Variants in PELP1 observed in about 807,000 individuals in gnomAD.
PELP1 encodes the protein proline-, glutamic acid- and leucine-rich protein 1.
PELP1 carries 32 observed loss-of-function variants against 95.5 expected under a neutral mutation model. That is an observed-to-expected ratio of 0.34 (90% CI 0.25 to 0.45). The LOEUF (loss-of-function observed/expected upper bound fraction) is 0.45, where lower values mean the gene tolerates loss of function less well. PELP1 is among the 20% of genes least tolerant of loss of function. PELP1 has a pLI of 1.00. For synonymous variants in PELP1, 668 were observed against 600.1 expected, an observed-to-expected ratio of 1.11 and a Z score of -1.65; for missense variants, 1,358 against 1,444.8, an observed-to-expected ratio of 0.94 and a Z score of 0.97.
At position 4,675,032 on chromosome 17, in the gene PELP1, C is replaced by T. The variant is rs1460937126; in HGVS notation, c.1274+47G>A. 1.9e-6 allele frequency: 3 copies of T among 1,607,662 alleles called. No individual in the cohort carries two copies. Among genetic ancestry groups the T allele is most frequent in the Admixed American group, 3.3e-5 (2 of 59,912 alleles). ...AAGCCCCAGCCCACCTGCACCCCCT[C>T]ACCCCCCTCTCCTCTTTATTCCCTT... On this transcript the variant is annotated intron_variant, in intron 11 of 16. Coordinates refer to ENST00000572293, the MANE Select transcript of PELP1 (RefSeq NM_014389.3). The surrounding 1 kb of genome is among the most constrained non-coding windows in gnomAD (Gnocchi z 4.3).
In PELP1 at chr17:4,672,406, G is replaced by A. The variant is rs1229551126; in HGVS notation, c.2585C>T (p.Pro862Leu). The change falls in exon 16 of 17, where the codon CCT (proline) becomes CTT (leucine). Residue 862 changes from proline (P) to leucine (L), a missense_variant. Transcript: ENST00000572293. Reference protein sequence around the residue: ...PVTLPPPQLVPEGTPGGGGPP... With the variant: ...PVTLPPPQLVLEGTPGGGGPP... ...TCCTCCCCCACCAGGAGTCCCTTCA[G>A]GGACCAACTGGGGTGGAGGGAGCGT... 1 of 1,564,238 alleles carries A rather than the reference G, an allele frequency of 6.4e-7. No homozygotes were observed. Among genetic ancestry groups the A allele is most frequent in the Non-Finnish European group, 8.7e-7 (1 of 1,153,974 alleles).
At chr17:4,695,667 TAAAAAA>T (rs71147081) in intron 1 of PELP1, among the ~76,000 whole-genome samples, 2 of 62,588 alleles carry the variant, frequency 3.2e-5, no homozygotes, top group South Asian at 8.4e-4. Flanking sequence ...CCCTCTCTCT[TAAAAAA>T]AAAAAAAAAA....
At chr17:4,701,001 A>AG (rs1416726993) in intron 1 of PELP1, among the ~76,000 whole-genome samples, 1 of 148,474 alleles carries the variant, frequency 6.7e-6, no homozygotes, top group East Asian at 1.9e-4. Flanking sequence ...CTAAAAAAAA[A>AG]AAAAAAAAAA....
In PELP1 at chr17:4,675,094, T is replaced by G; in HGVS notation, c.1259A>C (p.Gln420Pro). ...GGATGGTCACCTGTAAGGCCTCTCC[T>G]GGCCTGGAGAGAGGGAATCTCTACC... Reference protein sequence around the residue: ...SIGRDSLSPGQERPYSTVRTK... With the variant: ...SIGRDSLSPGPERPYSTVRTK... Residue 420 changes from glutamine (Q) to proline (P), a missense_variant, in exon 11 of 17, where the codon CAG becomes CCG. Gln to Pro is a moderately conservative substitution (Grantham distance 76). Around this residue, in one of 7 missense-constraint regions of PELP1, gnomAD observed 538 missense variants for 628.1 expected, o/e 0.86. Transcript: ENST00000572293. The surrounding 1 kb of genome is among the most constrained non-coding windows in gnomAD (Gnocchi z 4.3). The G allele has an allele frequency of 6.2e-7, 1 of 1,613,410 alleles. No individual in the cohort carries two copies. Among genetic ancestry groups the G allele is most frequent in the Non-Finnish European group, 8.5e-7 (1 of 1,179,420 alleles).
At chr17:4,671,648 CCCA>C in intron 16 of PELP1, 40 bp downstream of exon 16, 1 of 1,601,174 alleles carries the variant, frequency 6.2e-7, no homozygotes, top group South Asian at 1.1e-5. Context: ...TCCCGCCAGC[CCCA>C]CCTTCTCGCC....
intron 3 of PELP1, among the ~76,000 whole-genome samples, chr17:4,688,279 G>A (rs896230327): frequency 6.6e-6 from 1 of 151,974 alleles, no homozygotes; most frequent in Non-Finnish European, 1.5e-5. Context: ...AGGGTGCAGT[G>A]AGCCAAGTCT....
At chr17:4,699,558 C>T (rs948495532) in intron 1 of PELP1, among the ~76,000 whole-genome samples, 5 of 152,140 alleles carry the variant, frequency 3.3e-5, no homozygotes, top group Non-Finnish European at 5.9e-5. Flanking sequence ...AGGAAGTACA[C>T]AAATGGCAAA....
intron 1 of PELP1, among the ~76,000 whole-genome samples, chr17:4,701,044 T>C (rs1597459895): frequency 8.5e-6 from 1 of 117,220 alleles, no homozygotes; most frequent in Non-Finnish European, 1.8e-5. Context: ...TGAAATAACA[T>C]TGGCAAACGT....
At chr17:4,698,011 T>C (rs1004782004) in intron 1 of PELP1, among the ~76,000 whole-genome samples, 1 of 106,910 alleles carries the variant, frequency 9.4e-6, no homozygotes. Flanking sequence ...CTGCAAGGTT[T>C]TTTTTTTTTT....
intron 1 of PELP1, among the ~76,000 whole-genome samples, chr17:4,703,172 T>C (rs1462204307): frequency 6.6e-6 from 1 of 152,188 alleles, no homozygotes; most frequent in Admixed American, 6.5e-5. Flanking sequence ...CAGTCTCATC[T>C]GTACCCACTC....
chr17:4,682,903 TC>T lies in PELP1; in HGVS notation c.469del (p.Asp157ThrfsTer18). The T allele has an allele frequency of 6.3e-7, 1 of 1,581,606 alleles. No homozygotes were observed. The highest frequency in any genetic ancestry group is 1.2e-5 in the South Asian group (1 of 85,060). Reference protein sequence around the residue: ...TMELAVAVLRDLLRYAAQLPA... With the variant: ...TMELAVAVLRXLLRYAAQLPA... ...CAGCTGGGCTGCATATCGGAGGAGG[TC>T]CCTCAGGACAGCCACGGCCAGCTCC... On this transcript the variant is annotated frameshift_variant, in exon 4 of 17. Coordinates refer to ENST00000572293, the MANE Select transcript of PELP1 (RefSeq NM_014389.3). LOFTEE classifies it high-confidence loss of function.
Position 4,690,933 on chromosome 17 carries a change from C to T in PELP1, c.375G>A (p.Gln125=), listed in dbSNP as rs377089684. The change falls in exon 3 of 17, where the codon CAG becomes CAA. Residue 125 remains glutamine (Q), a synonymous_variant. Transcript: ENST00000572293. Reference sequence around the variant, plus strand: ...TCCGAAGCCAAGACACACAGTGCTGCTGGAATAGCTCTGTGGGGCTCTCCC... The same window carrying T: ...TCCGAAGCCAAGACACACAGTGCTGTTGGAATAGCTCTGTGGGGCTCTCCC... The part of the protein sequence containing the change: ...LVGESPTELF[Q]QHCVSWLRSI... The T allele has an allele frequency of 2.0e-3, 3,223 of 1,613,904 alleles. 80 individuals are homozygous for T. In the South Asian group the frequency reaches 0.031, roughly 15 times the overall value.
chr17:4,699,634 C>G (rs1913439329), intron 1 of PELP1, among the ~76,000 whole-genome samples: 1 of 152,078 alleles, frequency 6.6e-6, no homozygotes, highest in African/African-American at 2.4e-5. Flanking sequence ...TTGCCCAGGC[C>G]AGAGTTCGCA....
intron 5 of PELP1, among the ~76,000 whole-genome samples, chr17:4,678,828 C>T (rs1005728737): frequency 6.6e-6 from 1 of 152,166 alleles, no homozygotes; most frequent in African/African-American, 2.4e-5. Flanking sequence ...TCTACAATTA[C>T]CCTGAGAGTA....
chr17:4,687,717 T>G (rs1169092686), intron 3 of PELP1, among the ~76,000 whole-genome samples: 2 of 152,184 alleles, frequency 1.3e-5, no homozygotes, highest in Non-Finnish European at 2.9e-5. Flanking sequence ...AGCGCTAGAC[T>G]CTGAGTACCA....
chr17:4,701,535 A>G (rs563313700), intron 1 of PELP1, among the ~76,000 whole-genome samples: 1 of 152,336 alleles, frequency 6.6e-6, no homozygotes, highest in South Asian at 2.1e-4. Flanking sequence ...GATTGTTGCT[A>G]TAATATACTC....
chr17:4,682,524 G>C lies in PELP1; in HGVS notation c.620C>G (p.Pro207Arg), dbSNP rs1912728467. Residue 207 changes from proline to arginine, a missense_variant, in exon 5 of 17, where the codon CCT becomes CGT. Around this residue, in one of 7 missense-constraint regions of PELP1, gnomAD observed 538 missense variants for 628.1 expected, o/e 0.86. Transcript: ENST00000572293. ...TACTTTGAGAGAACCACAAGCCCGA[G>C]GGAAATAGGTCATACAAGCCTTCAT... is the stretch of plus-strand genomic sequence containing the variant. ...EGMKACMTYF[P>R]RACGSLKGKL... 6.2e-7 allele frequency: 1 copy of C among 1,612,180 alleles called. No individual in the cohort carries two copies. The highest frequency in any genetic ancestry group is 8.5e-7 in the Non-Finnish European group (1 of 1,178,264).
intron 1 of PELP1, among the ~76,000 whole-genome samples, chr17:4,701,432 G>C (rs1460433601): frequency 6.6e-6 from 1 of 152,118 alleles, no homozygotes; most frequent in East Asian, 1.9e-4. Context: ...GCTGCAAACA[G>C]GATCAGAATT....
In PELP1 at chr17:4,687,861, T is replaced by A. The variant is rs979252644; in HGVS notation, c.420+3027A>T. Reference sequence around the variant, plus strand: ...AGGATGTAAAAGTAGGGGAAAAAAATTAAAACGTTAAAAGAGCAACAAAGT... The same window carrying A: ...AGGATGTAAAAGTAGGGGAAAAAAAATAAAACGTTAAAAGAGCAACAAAGT... On this transcript the variant is annotated intron_variant, in intron 3 of 16. Coordinates refer to ENST00000572293, the MANE Select transcript of PELP1 (RefSeq NM_014389.3). Among the ~76,000 whole-genome samples, 41 of 152,106 alleles carry A rather than the reference T, an allele frequency of 2.7e-4. 1 individual carries two copies. Among genetic ancestry groups the A allele is most frequent in the Middle Eastern group, 6.8e-3 (2 of 294 alleles).
Sources: allele counts gnomAD v4.1 joint callset (sites outside exome capture counted in the v4.1 genomes callset), GRCh38; gene constraint gnomAD v4.1.1; regional missense constraint gnomAD v4.1.1; non-coding constraint Gnocchi (gnomAD v3.1); transcripts MANE v1.5; gene names NCBI Gene and HGNC (gene_info 2026-07-23, HGNC 2026-07-21).